HOMER1: variants seen among roughly 807,000 people sequenced by gnomAD.
HOMER1 encodes homer protein homolog 1.
In HOMER1, 3 loss-of-function variants were observed where a neutral mutation model predicts 48.9. The observed-to-expected ratio is 0.06, with a 90% CI of 0.03 to 0.16. The LOEUF (loss-of-function observed/expected upper bound fraction) is 0.16. HOMER1 is among the 10% of genes least tolerant of loss of function. The pLI is 1.00. For synonymous variants in HOMER1, 134 were observed against 146.4 expected (o/e 0.92, Z 0.61); for missense variants, 247 against 411.4 (o/e 0.60, Z 3.46).
chr5:79,469,392 A>G (rs1751559817), intron 1 of HOMER1, among the ~76,000 whole-genome samples: 1 of 152,072 alleles, frequency 6.6e-6, no homozygotes, highest in Admixed American at 6.5e-5. Flanking sequence ...TTCTCTATGC[A>G]TTTTTCTTTC....
At chr5:79,428,687 T>TAA (rs1359876079) in intron 5 of HOMER1, among the ~76,000 whole-genome samples, 1 of 152,086 alleles carries the variant, frequency 6.6e-6, no homozygotes, top group Non-Finnish European at 1.5e-5. Flanking sequence ...TCATTTATAA[T>TAA]AGCACCAAAA....
chr5:79,496,769 A>T (rs867663266), intron 1 of HOMER1, among the ~76,000 whole-genome samples: 1 of 152,186 alleles, frequency 6.6e-6, no homozygotes, highest in Non-Finnish European at 1.5e-5. Context: ...AATTCCGCGA[A>T]TAGAAAAATT....
chr5:79,467,338 C>T (rs540810109), intron 1 of HOMER1, among the ~76,000 whole-genome samples: 2 of 142,882 alleles, frequency 1.4e-5, no homozygotes, highest in East Asian at 4.4e-4. Context: ...TTGCAGTGAG[C>T]CGAGATTGCA....
intron 1 of HOMER1, among the ~76,000 whole-genome samples, chr5:79,458,299 C>T (rs1751226482): frequency 6.6e-6 from 1 of 151,668 alleles, no homozygotes; most frequent in African/African-American, 2.4e-5. Context: ...TTTTTAAGAG[C>T]CCAAATAAAA....
rs34470593 is a variant in HOMER1, at chr5:79,375,904, AT to A, written c.*104del. 0.052 allele frequency: 18,157 copies of A among 350,578 alleles called. 17 individuals carry two copies. Among genetic ancestry groups the A allele is most frequent in the East Asian group, 0.067 (1,533 of 23,036 alleles). 21.7% of individuals were successfully genotyped at this position (350,578 alleles called of 1,614,324 possible). ...CCTCCTCCTGGAGGAGTGATATTCA[AT>A]TTTTTTTTTTTTTTTTTTGTGCAAT... On this transcript the variant is annotated 3_prime_UTR_variant, in exon 9 of 9. Transcript: ENST00000334082.
intron 2 of HOMER1, among the ~76,000 whole-genome samples, chr5:79,453,844 G>A (rs927846804): frequency 9.2e-5 from 14 of 152,082 alleles, no homozygotes; most frequent in South Asian, 2.1e-4. Context: ...AGCAGAAGTC[G>A]GGGGTGAGAT....
chr5:79,490,792 A>AAAAAAAAC (rs148573552), intron 1 of HOMER1, among the ~76,000 whole-genome samples: 2 of 145,976 alleles, frequency 1.4e-5, no homozygotes, highest in African/African-American at 2.6e-5. Context: ...AAAAAAAAAA[A>AAAAAAAAC]CCATAAAAAA....
At chr5:79,485,990 T>C (rs60384393) in intron 1 of HOMER1, among the ~76,000 whole-genome samples, 32,240 of 152,052 alleles carry the variant, frequency 0.21, 3,627 homozygotes, top group South Asian at 0.41. Flanking sequence ...GAGTCTACAT[T>C]GTATTAGGCC....
At chr5:79,480,684 C>T (rs1462403254) in intron 1 of HOMER1, among the ~76,000 whole-genome samples, 3 of 152,078 alleles carry the variant, frequency 2.0e-5, no homozygotes, top group Non-Finnish European at 2.9e-5. Flanking sequence ...TAGGCCAGGC[C>T]CTTCTAAAAT....
At chr5:79,437,618 T>C (rs1204657426) in intron 5 of HOMER1, among the ~76,000 whole-genome samples, 1 of 152,210 alleles carries the variant, frequency 6.6e-6, no homozygotes, top group Non-Finnish European at 1.5e-5. Flanking sequence ...CAAATTAGAA[T>C]AGCCTCACAG....
chr5:79,445,416 C>T (rs568591652), intron 4 of HOMER1, among the ~76,000 whole-genome samples: 1 of 152,150 alleles, frequency 6.6e-6, no homozygotes, highest in African/African-American at 2.4e-5. Flanking sequence ...ATTAATCATA[C>T]AGTAAAACCA....
intron 5 of HOMER1, among the ~76,000 whole-genome samples, chr5:79,404,481 G>T (rs1229590385): frequency 6.6e-6 from 1 of 152,132 alleles, no homozygotes; most frequent in Admixed American, 6.5e-5. Flanking sequence ...GATCAGTCAA[G>T]ATCTGTATTA....
At chr5:79,494,533 C>T (rs1752370217) in intron 1 of HOMER1, among the ~76,000 whole-genome samples, 2 of 152,196 alleles carry the variant, frequency 1.3e-5, no homozygotes, top group South Asian at 4.1e-4. Flanking sequence ...CAAGCCATTA[C>T]TCTTGACTAA....
At chr5:79,378,803 A>T (rs1451786083) in intron 8 of HOMER1, among the ~76,000 whole-genome samples, 1 of 151,956 alleles carries the variant, frequency 6.6e-6, no homozygotes, top group Non-Finnish European at 1.5e-5. Context: ...ATAGTCAAAC[A>T]TTTTCAATGG....
chr5:79,448,523 C>T (rs1316859955), intron 3 of HOMER1, among the ~76,000 whole-genome samples: 1 of 152,100 alleles, frequency 6.6e-6, no homozygotes, highest in Non-Finnish European at 1.5e-5. Flanking sequence ...TTGCTCATAC[C>T]ATTCAATCTT....
At position 79,463,577 on chromosome 5, in the gene HOMER1, A is replaced by T. The variant is rs370780746; in HGVS notation, c.6-6559T>A. 9.6e-4 allele frequency among the ~76,000 whole-genome samples: 146 copies of T among 152,340 alleles called. 1 individual carries two copies. Among genetic ancestry groups the T allele is most frequent in the African/African-American group, 3.0e-3 (124 of 41,584 alleles). The stretch of plus-strand genomic sequence containing the variant: ...TTGCTAATTGTTTCAAACAGTTGTC[A>T]TTTAAAAAACTATGCAAATGAAAAC... On this transcript the variant is annotated intron_variant, in intron 1 of 8. Transcript: ENST00000334082.
chr5:79,415,409 C>T (rs566910687), intron 5 of HOMER1, among the ~76,000 whole-genome samples: 4 of 152,070 alleles, frequency 2.6e-5, no homozygotes, highest in East Asian at 3.9e-4. Flanking sequence ...AAAATGATAT[C>T]GAGGTGAAAA....
intron 3 of HOMER1, among the ~76,000 whole-genome samples, chr5:79,447,527 TC>T (rs911274887): frequency 6.6e-6 from 1 of 152,186 alleles, no homozygotes; most frequent in Non-Finnish European, 1.5e-5. Context: ...TTCACAAGTA[TC>T]CACTTGTAAA....
At position 79,512,983 on chromosome 5, in the gene HOMER1, G is replaced by A. The variant is rs1312211707; in HGVS notation, c.-209C>T. 3.4e-6 allele frequency: 2 copies of A among 584,410 alleles called. No homozygotes were observed. The highest frequency in any genetic ancestry group is 6.1e-6 in the Non-Finnish European group (2 of 328,586). The allele number at this position is 584,410 out of a possible 1,614,324, so 36.2% of individuals were successfully genotyped here. On this transcript the variant is annotated 5_prime_UTR_variant, in exon 1 of 9. Transcript: ENST00000334082. ...GTAAATACCAAAACGTTCAAACAGA[G>A]GCGGCATTTGCTTATTCGAGTTAAA...
Sources: gnomAD v4.1 joint callset for allele counts (sites outside exome capture counted in the v4.1 genomes callset) on GRCh38, gnomAD v4.1.1 for gene constraint, MANE v1.5 for transcripts, NCBI Gene and HGNC (gene_info 2026-07-23, HGNC 2026-07-21) for gene names.